HS3ST4: variants seen among roughly 807,000 people sequenced by gnomAD.
HS3ST4 encodes the protein heparan sulfate-glucosamine 3-sulfotransferase 4, also known as heparan sulfate glucosamine 3-O-sulfotransferase 4.
Under a neutral mutation model 29.2 loss-of-function variants are expected in HS3ST4, and 17 were observed. That is an observed-to-expected ratio of 0.58 (90% confidence interval 0.40 to 0.87). HS3ST4 has a LOEUF of 0.87. HS3ST4 is among the 40% of genes least tolerant of loss of function. The pLI is 0.00. For synonymous variants in HS3ST4, 314 were observed against 285.7 expected (o/e 1.10, Z -1.00); for missense variants, 627 against 634.5 (o/e 0.99, Z 0.13).
chr16:25,714,272 A>C (rs1034508325), intron 1 of HS3ST4, among the ~76,000 whole-genome samples: 4 of 152,190 alleles, frequency 2.6e-5, no homozygotes, highest in African/African-American at 4.8e-5. Flanking sequence ...CGCACTGCCA[A>C]CCTCATTCGC....
Position 26,137,535 on chromosome 16 carries a change from A to G in HS3ST4, c.*1287A>G, listed in dbSNP as rs1304697229. On this transcript the variant is annotated 3_prime_UTR_variant, in exon 2 of 2. Transcript: ENST00000331351. ...TAAAATGCATCATTTGACATAAAGC[A>G]CTTGTTCACAGATCTCCAAAACCAG... 6.6e-6 allele frequency: 1 copy of G among 152,198 alleles called. No individual in the cohort carries two copies. The highest frequency in any genetic ancestry group is 2.4e-5 in the African/African-American group (1 of 41,438). 9.4% of individuals were successfully genotyped at this position (152,198 alleles called of 1,614,324 possible). A position where few individuals can be genotyped will look rare whatever the true frequency, so the allele number is the denominator to read the frequency against.
At chr16:25,699,902 C>A (rs1179338538) in intron 1 of HS3ST4, among the ~76,000 whole-genome samples, 1 of 152,324 alleles carries the variant, frequency 6.6e-6, no homozygotes, top group South Asian at 2.1e-4. Flanking sequence ...CTATGTAGAG[C>A]TTGTGACAGA....
At chr16:26,055,058 A>C (rs1033349752) in intron 1 of HS3ST4, among the ~76,000 whole-genome samples, 2 of 151,554 alleles carry the variant, frequency 1.3e-5, no homozygotes, top group Admixed American at 1.3e-4. Flanking sequence ...AGAGCTACCC[A>C]GCACCGCCAG....
At chr16:26,012,200 A>G (rs1385602373) in intron 1 of HS3ST4, among the ~76,000 whole-genome samples, 2 of 152,220 alleles carry the variant, frequency 1.3e-5, no homozygotes, top group African/African-American at 4.8e-5. Context: ...ACAGTGATCC[A>G]TGTTTTATCT....
chr16:26,120,060 T>C (rs953260152), intron 1 of HS3ST4, among the ~76,000 whole-genome samples: 1 of 115,622 alleles, frequency 8.6e-6, no homozygotes, highest in African/African-American at 3.3e-5. Flanking sequence ...GAAGTGTGTG[T>C]GTGTGTGTGT....
intron 1 of HS3ST4, among the ~76,000 whole-genome samples, chr16:26,056,930 C>T (rs58722674): frequency 0.15 from 22,490 of 152,016 alleles, 1,777 homozygotes; most frequent in Non-Finnish European, 0.17. Flanking sequence ...TGGAGTAGTT[C>T]ACATTATATT....
intron 1 of HS3ST4, among the ~76,000 whole-genome samples, chr16:25,874,773 G>A (rs923181763): frequency 6.6e-6 from 1 of 152,164 alleles, no homozygotes; most frequent in Non-Finnish European, 1.5e-5. Flanking sequence ...GTCCCAGACA[G>A]TTGGAAAGTA....
chr16:25,767,714 G>A (rs4476177), intron 1 of HS3ST4, among the ~76,000 whole-genome samples: 4,366 of 152,202 alleles, frequency 0.029, 228 homozygotes, highest in African/African-American at 0.1. Context: ...CACCCACTCT[G>A]TGCTCGAGTA....
intron 1 of HS3ST4, among the ~76,000 whole-genome samples, chr16:26,006,038 C>G (rs1209138119): frequency 6.6e-6 from 1 of 152,034 alleles, no homozygotes; most frequent in South Asian, 2.1e-4. Context: ...GTGGCTCACA[C>G]CTGTAATCCC....
At chr16:25,883,291 A>C (rs1036558677) in intron 1 of HS3ST4, among the ~76,000 whole-genome samples, 2 of 151,954 alleles carry the variant, frequency 1.3e-5, no homozygotes, top group African/African-American at 2.4e-5. Context: ...CCTTTTGCTC[A>C]AGACTGTAGT....
chr16:25,991,479 T>C (rs929755400), intron 1 of HS3ST4, among the ~76,000 whole-genome samples: 1 of 152,220 alleles, frequency 6.6e-6, no homozygotes, highest in Admixed American at 6.5e-5. Flanking sequence ...TGAGTTGTCA[T>C]AGTCTCTTGA....
At chr16:26,087,481 C>T (rs539026070) in intron 1 of HS3ST4, among the ~76,000 whole-genome samples, 5 of 152,216 alleles carry the variant, frequency 3.3e-5, no homozygotes, top group African/African-American at 1.2e-4. Context: ...TGACCTATCT[C>T]AACATCCCTG....
intron 1 of HS3ST4, among the ~76,000 whole-genome samples, chr16:26,083,568 G>A (rs1898749752): frequency 6.6e-6 from 1 of 152,142 alleles, no homozygotes; most frequent in Non-Finnish European, 1.5e-5. Flanking sequence ...TTCTTCTGGT[G>A]TAAAGTGAAA....
chr16:25,741,748 T>C (rs1283135886), intron 1 of HS3ST4, among the ~76,000 whole-genome samples: 1 of 152,166 alleles, frequency 6.6e-6, no homozygotes, highest in Non-Finnish European at 1.5e-5. Context: ...CAGGAATCCA[T>C]GCTGTGATAG....
At chr16:25,934,893 A>G (rs1376601935) in intron 1 of HS3ST4, among the ~76,000 whole-genome samples, 1 of 152,094 alleles carries the variant, frequency 6.6e-6, no homozygotes, top group East Asian at 1.9e-4. Flanking sequence ...AGCCTCCTTC[A>G]TATGGTTTGG....
chr16:25,954,726 A>G (rs939882419), intron 1 of HS3ST4, among the ~76,000 whole-genome samples: 3 of 152,204 alleles, frequency 2.0e-5, no homozygotes, highest in Non-Finnish European at 4.4e-5. Context: ...CTCTCAAGGG[A>G]AGTGCTCTTT....
chr16:25,801,120 A>T (rs918604797), intron 1 of HS3ST4, among the ~76,000 whole-genome samples: 38 of 152,040 alleles, frequency 2.5e-4, no homozygotes, highest in African/African-American at 8.9e-4. Flanking sequence ...GCTCCCAGGT[A>T]ATGTTGATGC....
At chr16:26,046,225 A>G (rs1898263135) in intron 1 of HS3ST4, among the ~76,000 whole-genome samples, 1 of 143,046 alleles carries the variant, frequency 7.0e-6, no homozygotes, top group Non-Finnish European at 1.5e-5. Context: ...ATCTCGGCTC[A>G]CTGCAACCTC....
intron 1 of HS3ST4, among the ~76,000 whole-genome samples, chr16:26,064,552 A>G (rs1596668558): frequency 6.8e-6 from 1 of 147,216 alleles, no homozygotes; most frequent in Non-Finnish European, 1.5e-5. Context: ...AGATAGATTT[A>G]TGGTGTAGGC....
Sources: allele counts gnomAD v4.1 joint callset (sites outside exome capture counted in the v4.1 genomes callset), GRCh38; gene constraint gnomAD v4.1.1; transcripts MANE v1.5; gene names NCBI Gene and HGNC (gene_info 2026-07-23, HGNC 2026-07-21).